Variants in ELL2 observed in about 807,000 individuals in gnomAD.
ELL2 encodes RNA polymerase II elongation factor ELL2.
A neutral mutation model predicts 72.8 loss-of-function variants in ELL2; 21 were observed. That is an observed-to-expected ratio of 0.29 (90% confidence interval 0.20 to 0.42). The LOEUF (loss-of-function observed/expected upper bound fraction) is 0.42, where lower values mean the gene tolerates loss of function less well. Ranked by LOEUF, ELL2 falls within the 10% of genes least tolerant of loss-of-function variation. The pLI is 1.00. For missense variants in ELL2, 568 were observed against 772.8 expected (o/e 0.73, Z 3.14); for synonymous variants, 266 against 283.2 (o/e 0.94, Z 0.61).
intron 1 of ELL2, among the ~76,000 whole-genome samples, chr5:95,954,704 T>G (rs1354567221): frequency 6.7e-6 from 1 of 150,016 alleles, no homozygotes; most frequent in Admixed American, 6.8e-5. Context: ...CCTCCCAAAG[T>G]GCTGGGATTA....
intron 3 of ELL2, among the ~76,000 whole-genome samples, chr5:95,915,706 C>T (rs1486139688): frequency 6.6e-6 from 1 of 152,122 alleles, no homozygotes; most frequent in Non-Finnish European, 1.5e-5. Context: ...CTGAGGTGAT[C>T]TAGAAAGATG....
chr5:95,955,931 G>A (rs1251392786), intron 1 of ELL2, among the ~76,000 whole-genome samples: 1 of 151,914 alleles, frequency 6.6e-6, no homozygotes, highest in Non-Finnish European at 1.5e-5. Flanking sequence ...TGTTAAAAGT[G>A]ACCTAGCCTT....
At chr5:95,952,529 T>A (rs150881768) in intron 1 of ELL2, among the ~76,000 whole-genome samples, 1 of 152,202 alleles carries the variant, frequency 6.6e-6, no homozygotes, top group African/African-American at 2.4e-5. Context: ...TCTTTTATAA[T>A]AACAAAATCA....
chr5:95,891,954 C>T (rs1316542335), intron 9 of ELL2, among the ~76,000 whole-genome samples: 2 of 152,168 alleles, frequency 1.3e-5, no homozygotes, highest in Admixed American at 1.3e-4. Flanking sequence ...AAATGTCATA[C>T]TATGTTGAAC....
At position 95,924,777 on chromosome 5, in the gene ELL2, G is replaced by A. The variant is rs555441101; in HGVS notation, c.196-5232C>T. On this transcript the variant is annotated intron_variant, in intron 2 of 11. Transcript: ENST00000237853. The stretch of plus-strand genomic sequence containing the variant: ...AAAAAGCTACAAAGAAAAAGTTTCA[G>A]GAAACTTTCAGACATTTATAATTAG... Among the ~76,000 whole-genome samples, 4 of 152,274 alleles carry A rather than the reference G, an allele frequency of 2.6e-5. No homozygotes were observed. The South Asian group carries it at 8.3e-4, about 32-fold the overall frequency.
At chr5:95,895,492 C>T (rs113436176) in intron 9 of ELL2, 136 bp downstream of exon 9, 2 of 739,478 alleles carry the variant, frequency 2.7e-6, no homozygotes, top group South Asian at 3.6e-5. Context: ...TAAATGGCAG[C>T]CTTTCAATTG....
chr5:95,899,363 T>C (rs1749036567), intron 7 of ELL2, among the ~76,000 whole-genome samples: 1 of 152,230 alleles, frequency 6.6e-6, no homozygotes, highest in East Asian at 1.9e-4. Context: ...TTGGCTGTCA[T>C]TTATCATTCC....
intron 2 of ELL2, among the ~76,000 whole-genome samples, chr5:95,932,217 T>C (rs534098032): frequency 6.6e-6 from 1 of 152,340 alleles, no homozygotes; most frequent in East Asian, 1.9e-4. Flanking sequence ...TATAAAGCTA[T>C]TGATATGCAC....
chr5:95,953,637 T>C (rs920449840), intron 1 of ELL2, among the ~76,000 whole-genome samples: 5 of 152,182 alleles, frequency 3.3e-5, no homozygotes, highest in Admixed American at 2.0e-4. Context: ...TAATAGTCCA[T>C]TACAATGTGT....
chr5:95,956,843 C>A (rs1751644963), intron 1 of ELL2, among the ~76,000 whole-genome samples: 1 of 152,108 alleles, frequency 6.6e-6, no homozygotes, highest in African/African-American at 2.4e-5. Context: ...TTGTAAATAG[C>A]ATCTAAAATT....
At chr5:95,941,572 T>C (rs1031347702) in intron 2 of ELL2, among the ~76,000 whole-genome samples, 1 of 152,140 alleles carries the variant, frequency 6.6e-6, no homozygotes, top group Non-Finnish European at 1.5e-5. Context: ...GATGCCTCCT[T>C]AGAAAATATC....
chr5:95,948,805 G>A (rs1751271260), intron 1 of ELL2, among the ~76,000 whole-genome samples: 1 of 152,166 alleles, frequency 6.6e-6, no homozygotes. Flanking sequence ...AAGTAAGAGA[G>A]TTATCTTGTA....
intron 1 of ELL2, among the ~76,000 whole-genome samples, chr5:95,950,855 C>CTGA (rs1390443840): frequency 7.2e-6 from 1 of 139,550 alleles, no homozygotes; most frequent in Non-Finnish European, 1.5e-5. Flanking sequence ...TGGTGGCTAT[C>CTGA]TGATACATGC....
At chr5:95,907,000 G>C (rs1395686163) in intron 4 of ELL2, among the ~76,000 whole-genome samples, 1 of 151,970 alleles carries the variant, frequency 6.6e-6, no homozygotes, top group Non-Finnish European at 1.5e-5. Context: ...TCATTTCTTG[G>C]AAATAATATG....
At chr5:95,897,818 A>C (rs899609305) in intron 8 of ELL2, among the ~76,000 whole-genome samples, 2 of 152,216 alleles carry the variant, frequency 1.3e-5, no homozygotes, top group Admixed American at 1.3e-4. Flanking sequence ...TGCTAATATT[A>C]ATTGAAGCAA....
intron 2 of ELL2, among the ~76,000 whole-genome samples, chr5:95,942,423 T>C (rs1177144538): frequency 6.6e-6 from 1 of 152,180 alleles, no homozygotes; most frequent in East Asian, 1.9e-4. Context: ...ATTCTACTCC[T>C]GTAAACTTTA....
At chr5:95,890,797 T>C (rs1748632451) in intron 10 of ELL2, among the ~76,000 whole-genome samples, 1 of 152,256 alleles carries the variant, frequency 6.6e-6, no homozygotes, top group Non-Finnish European at 1.5e-5. Context: ...GCAGTGTAAT[T>C]AATCAAATAG....
intron 5 of ELL2, among the ~76,000 whole-genome samples, chr5:95,904,584 A>C (rs929475986): frequency 6.6e-6 from 1 of 152,254 alleles, no homozygotes; most frequent in African/African-American, 2.4e-5. Context: ...CAGGGTTCTG[A>C]AAACTACTGT....
At chr5:95,928,594 C>T (rs1750479999) in intron 2 of ELL2, among the ~76,000 whole-genome samples, 1 of 152,170 alleles carries the variant, frequency 6.6e-6, no homozygotes, top group Non-Finnish European at 1.5e-5. Context: ...TCAACAAACA[C>T]ATAATCGTAA....
Sources: allele counts gnomAD v4.1 joint callset (sites outside exome capture counted in the v4.1 genomes callset), GRCh38; gene constraint gnomAD v4.1.1; transcripts MANE v1.5; gene names NCBI Gene and HGNC (gene_info 2026-07-23, HGNC 2026-07-21).